LIAT1: variants seen among roughly 807,000 people sequenced by gnomAD.
LIAT1 encodes the protein ligand of ATE1, also known as protein LIAT1.
the LIAT1 span, chr17:413,133 T>C: frequency 6.2e-7 from 1 of 1,611,816 alleles, no homozygotes; most frequent in Non-Finnish European, 8.5e-7. Flanking sequence ...ACTAACCTGC[T>C]CATCTACTCA....
chr17:413,595 C>T, the LIAT1 span: 4 of 1,519,426 alleles, frequency 2.6e-6, no homozygotes, highest in South Asian at 1.2e-5. Context: ...GACCCCGAGG[C>T]TCTCAAGGGC....
the LIAT1 span, chr17:413,530 C>G: frequency 6.6e-7 from 1 of 1,513,858 alleles, no homozygotes; most frequent in Non-Finnish European, 8.9e-7. Flanking sequence ...ACCCCGACCC[C>G]GAGGCCCTCA....
chr17:411,361 A>G, the LIAT1 span, among the ~76,000 whole-genome samples: 3 of 152,128 alleles, frequency 2.0e-5, no homozygotes, highest in East Asian at 3.9e-4. Context: ...CCTTCTATCA[A>G]TGTAACACCA....
chr17:414,017 C>G, the LIAT1 span: 9 of 1,614,156 alleles, frequency 5.6e-6, no homozygotes, highest in East Asian at 2.0e-4. This position sits in a 1 kb window ranked among gnomAD's most constrained non-coding sequence, Gnocchi z 4.1. Context: ...CAGCCACAGG[C>G]AGCCCACGTC....
the LIAT1 span, chr17:414,145 A>G: frequency 4.4e-6 from 7 of 1,597,024 alleles, no homozygotes; most frequent in African/African-American, 8.1e-5. This position sits in a 1 kb window ranked among gnomAD's most constrained non-coding sequence, Gnocchi z 4.1. Flanking sequence ...ACAAACTTAT[A>G]ATTCCTCCTC....
chr17:410,332 G>T, the LIAT1 span: 76 of 1,459,832 alleles, frequency 5.2e-5, no homozygotes, highest in Non-Finnish European at 6.1e-5. Flanking sequence ...GGCGCAGCAG[G>T]GGTGGTCGCC....
the LIAT1 span, chr17:414,548 G>A: frequency 4.2e-5 from 7 of 167,936 alleles, no homozygotes; most frequent in Non-Finnish European, 9.0e-5. This position sits in a 1 kb window ranked among gnomAD's most constrained non-coding sequence, Gnocchi z 4.1. Context: ...TTAATTAAAT[G>A]CATGGCCTGC....
At chr17:412,567 T>C in the LIAT1 span, among the ~76,000 whole-genome samples, 1 of 151,364 alleles carries the variant, frequency 6.6e-6, no homozygotes, top group African/African-American at 2.5e-5. Flanking sequence ...TGAAGTGCTA[T>C]TGATGTTAAA....
chr17:410,417 C>G, the LIAT1 span: 1 of 1,533,930 alleles, frequency 6.5e-7, no homozygotes, highest in Non-Finnish European at 8.7e-7. Flanking sequence ...CTCGGGCGCC[C>G]CCGGGGCGGG....
chr17:413,956 C>T, the LIAT1 span: 12 of 1,614,216 alleles, frequency 7.4e-6, no homozygotes, highest in Middle Eastern at 9.9e-4. Context: ...ACCCCAATGC[C>T]GAGGAGGCCC....
the LIAT1 span, among the ~76,000 whole-genome samples, chr17:410,910 A>C: frequency 6.6e-6 from 1 of 152,078 alleles, no homozygotes; most frequent in Non-Finnish European, 1.5e-5. Context: ...CCAGCCCCAC[A>C]CAAAGACACC....
chr17:410,791 A>G, the LIAT1 span: 3 of 726,844 alleles, frequency 4.1e-6, no homozygotes, highest in Non-Finnish European at 6.7e-6. Flanking sequence ...CATGCCCGTC[A>G]GCAGCACGTT....
chr17:414,039 G>A, the LIAT1 span: 1 of 1,614,126 alleles, frequency 6.2e-7, no homozygotes, highest in African/African-American at 1.3e-5. The surrounding 1 kb of genome is among the most constrained non-coding windows in gnomAD (Gnocchi z 4.1). Flanking sequence ...AAAGCCGAGT[G>A]CCCCAATCTC....
the LIAT1 span, chr17:410,402 CG>C: frequency 6.5e-7 from 1 of 1,526,860 alleles, no homozygotes. Context: ...TAGTCGGCAT[CG>C]GGCCTCGGGC....
At chr17:414,343 CT>C in the LIAT1 span, 2 of 545,606 alleles carry the variant, frequency 3.7e-6, no homozygotes, top group African/African-American at 1.9e-5. The surrounding 1 kb of genome is among the most constrained non-coding windows in gnomAD (Gnocchi z 4.1). Flanking sequence ...TCAGAATTTC[CT>C]TTTTCTTAAG....
At chr17:410,365 T>C in the LIAT1 span, 4 of 1,507,350 alleles carry the variant, frequency 2.7e-6, no homozygotes, top group Non-Finnish European at 3.5e-6. Context: ...GGCCCTGGCC[T>C]GGCGGTCCGC....
At chr17:411,987 T>C in the LIAT1 span, among the ~76,000 whole-genome samples, 1 of 152,148 alleles carries the variant, frequency 6.6e-6, no homozygotes, top group Non-Finnish European at 1.5e-5. Context: ...ATATGGACCG[T>C]GCAGTGTGGG....
the LIAT1 span, chr17:410,654 G>C: frequency 6.5e-7 from 1 of 1,538,200 alleles, no homozygotes; most frequent in Non-Finnish European, 8.7e-7. Context: ...ACGGTAAGAG[G>C]AGCAGCTAGC....
At chr17:414,413 A>C in the LIAT1 span, 1 of 338,246 alleles carries the variant, frequency 3.0e-6, no homozygotes, top group Non-Finnish European at 5.4e-6. The surrounding 1 kb of genome is among the most constrained non-coding windows in gnomAD (Gnocchi z 4.1). Context: ...CTGCCCCAAA[A>C]AGAAAAGAAA....
Sources: allele counts gnomAD v4.1 joint callset (sites outside exome capture counted in the v4.1 genomes callset), GRCh38; gene constraint gnomAD v4.1.1; non-coding constraint Gnocchi (gnomAD v3.1); transcripts MANE v1.5; gene names NCBI Gene and HGNC (gene_info 2026-07-23, HGNC 2026-07-21).